Variants in VTI1B observed in about 807,000 individuals in gnomAD.
VTI1B encodes vesicle transport through interaction with t-SNAREs 1B, also known as vesicle transport through interaction with t-SNAREs homolog 1B.
VTI1B carries 18 observed loss-of-function variants against 28.6 expected under a neutral mutation model. That is an observed-to-expected ratio of 0.63 (90% CI 0.43 to 0.93). The LOEUF is 0.93. Among genes scored for constraint, VTI1B ranks in the 40% least tolerant of loss-of-function variants. VTI1B has a pLI of 0.00. For missense variants in VTI1B, 283 were observed against 297.0 expected (o/e 0.95, Z 0.35); for synonymous variants, 100 against 107.9 (o/e 0.93, Z 0.46).
At position 67,673,871 on chromosome 14, in the gene VTI1B, C is replaced by G. The variant is rs1223588071; in HGVS notation, c.115+504G>C. 2.0e-5 allele frequency among the ~76,000 whole-genome samples: 3 copies of G among 152,282 alleles called. No homozygotes were observed. In the East Asian group the frequency reaches 5.8e-4, roughly 29 times the overall value. On this transcript the variant is annotated intron_variant, in intron 1 of 5. Coordinates refer to ENST00000554659, the MANE Select transcript of VTI1B (RefSeq NM_006370.3). ...TGTAAAAACGTTCAAAACAAGACCA[C>G]ATCTAAATGCCACAATCAGGTTTTA... is the stretch of plus-strand genomic sequence containing the variant.
chr14:67,649,898 T>G lies in VTI1B; in HGVS notation c.*1487A>C, dbSNP rs1393665427. 1.3e-5 allele frequency: 2 copies of G among 152,190 alleles called. No individual in the cohort carries two copies. The highest frequency in any genetic ancestry group is 2.9e-5 in the Non-Finnish European group (2 of 68,042). The allele number at this position is 152,190 out of a possible 1,614,324, so 9.4% of individuals were successfully genotyped here. On this transcript the variant is annotated 3_prime_UTR_variant, in exon 6 of 6. Transcript: ENST00000554659. ...TAACCAACTAAAAAGTTAAATTCTA[T>G]AGAGAAGTGAGGCATTTAGAGGGGT...
Position 67,666,028 on chromosome 14 carries a change from G to C in VTI1B, c.116-3493C>G, listed in dbSNP as rs373393618. ...CAAAAACGGCTACTTCCATGGAGCAGTATTGTATTATTTTGTAATAAGCTG... is the reference window on the plus strand; with the variant it reads ...CAAAAACGGCTACTTCCATGGAGCACTATTGTATTATTTTGTAATAAGCTG... On this transcript the variant is annotated intron_variant, in intron 1 of 5. Coordinates refer to ENST00000554659, the MANE Select transcript of VTI1B (RefSeq NM_006370.3). 3.9e-5 allele frequency among the ~76,000 whole-genome samples: 6 copies of C among 152,336 alleles called. No homozygotes were observed. In the East Asian group the frequency reaches 5.8e-4, roughly 15 times the overall value.
intron 1 of VTI1B, among the ~76,000 whole-genome samples, chr14:67,664,043 C>A (rs923935609): frequency 3.9e-5 from 6 of 152,188 alleles, no homozygotes; most frequent in Non-Finnish European, 8.8e-5. Context: ...TGGAAATCTA[C>A]ACATAATCTA....
intron 1 of VTI1B, among the ~76,000 whole-genome samples, chr14:67,662,764 CGTG>C (rs1280748483): frequency 6.6e-6 from 1 of 151,882 alleles, no homozygotes; most frequent in African/African-American, 2.4e-5. Flanking sequence ...ATTAGCCGGG[CGTG>C]GTGGCAGGCA....
rs1218458758 is a variant in VTI1B at position 67,647,453 on chromosome 14, G to A, written c.*3932C>T. ...TCCCAATACCAAGTCTTTACTTCTG[G>A]GTGATTAATGTCAGAATTGTTATCT... On this transcript the variant is annotated 3_prime_UTR_variant, in exon 6 of 6. Transcript: ENST00000554659. The A allele has an allele frequency of 2.5e-5, 4 of 159,202 alleles. No homozygotes were observed. Among genetic ancestry groups the A allele is most frequent in the South Asian group, 1.9e-4 (1 of 5,146 alleles). 9.9% of individuals were successfully genotyped at this position (159,202 alleles called of 1,614,324 possible). A position where few individuals can be genotyped will look rare whatever the true frequency, so the allele number is the denominator to read the frequency against.
In VTI1B at chr14:67,670,814, C is replaced by T. The variant is rs989293571; in HGVS notation, c.115+3561G>A. Among the ~76,000 whole-genome samples the T allele has an allele frequency of 8.5e-5, 13 of 152,314 alleles. No homozygotes were observed. The East Asian group carries it at 1.7e-3, about 20-fold the overall frequency. ...GTGATGGGACTACCAGCATGAGCCA[C>T]CGTGCCCGGCCGTTTGTTTCTTTTT... is the stretch of plus-strand genomic sequence containing the variant. On this transcript the variant is annotated intron_variant, in intron 1 of 5. Coordinates refer to ENST00000554659, the MANE Select transcript of VTI1B (RefSeq NM_006370.3).
intron 1 of VTI1B, among the ~76,000 whole-genome samples, chr14:67,667,680 C>CA (rs1309278553): frequency 6.6e-6 from 1 of 152,176 alleles, no homozygotes; most frequent in Non-Finnish European, 1.5e-5. Context: ...CGCGGTGGCT[C>CA]ACGCCTGTAA....
Position 67,648,014 on chromosome 14 carries a change from T to G in VTI1B, c.*3371A>C. 6.4e-7 allele frequency: 1 copy of G among 1,554,766 alleles called. No individual in the cohort carries two copies. Among genetic ancestry groups the G allele is most frequent in the Non-Finnish European group, 8.7e-7 (1 of 1,143,984 alleles). ...TCCAAGGACAACCAGTTAAGTATTA[T>G]TTTAAGTATTATTTTATCCTCTTCC... On this transcript the variant is annotated 3_prime_UTR_variant, in exon 6 of 6. Coordinates refer to ENST00000554659, the MANE Select transcript of VTI1B (RefSeq NM_006370.3).
rs192919782 is a variant in VTI1B, at chr14:67,669,183, T to C, written c.115+5192A>G. On this transcript the variant is annotated intron_variant, in intron 1 of 5. Coordinates refer to ENST00000554659, the MANE Select transcript of VTI1B (RefSeq NM_006370.3). The stretch of plus-strand genomic sequence containing the variant: ...CCAAGGTCACACTGCTACTAGAAGG[T>C]GAATTTAAACTCAGGCAATCTGGCT... Among the ~76,000 whole-genome samples the C allele has an allele frequency of 3.3e-5, 5 of 152,240 alleles. No individual in the cohort carries two copies. In the East Asian group the frequency reaches 9.6e-4, roughly 29 times the overall value.
At chr14:67,652,423 G>GT (rs1242260710) in intron 5 of VTI1B, 2 of 185,154 alleles carry the variant, frequency 1.1e-5, no homozygotes, top group African/African-American at 4.7e-5. Context: ...GGCATATGCT[G>GT]TTTCACTAAC....
chr14:67,661,529 C>CTTTTT (rs35440818), intron 2 of VTI1B, among the ~76,000 whole-genome samples: 3 of 110,074 alleles, frequency 2.7e-5, no homozygotes, highest in Non-Finnish European at 5.3e-5. Context: ...GAACAGTAAC[C>CTTTTT]TTTTTTTTTT....
In VTI1B at chr14:67,656,515, T is replaced by A. The variant is rs1322108819; in HGVS notation, c.441A>T (p.Glu147Asp). Residue 147 changes from glutamate (E) to aspartate (D), a missense_variant, in exon 4 of 6, where the codon GAA (glutamate) becomes GAT (aspartate). Coordinates refer to ENST00000554659, the MANE Select transcript of VTI1B (RefSeq NM_006370.3). ...ESLNRATQSI[E>D]RSHRIATETD... ...TCTCTGTGGCAATCCGATGAGAACG[T>A]TCAATACTTTGGGTGGCCCGGTTCA... 3 of 1,613,986 alleles carry A rather than the reference T, an allele frequency of 1.9e-6. No individual in the cohort carries two copies. Among genetic ancestry groups the A allele is most frequent in the South Asian group, 2.2e-5 (2 of 91,054 alleles).
At chr14:67,662,914 A>AG in intron 1 of VTI1B, 1 of 1,282,630 alleles carries the variant, frequency 7.8e-7, no homozygotes, top group South Asian at 2.4e-5. Flanking sequence ...AAAAAAAAAA[A>AG]AAAAAAAGAA....
chr14:67,653,594 G>A (rs2140801651), intron 4 of VTI1B, 96 bp from the exon 5 acceptor site: 1 of 1,109,892 alleles, frequency 9.0e-7, no homozygotes, highest in Non-Finnish European at 1.3e-6. Flanking sequence ...AGGGATATAT[G>A]TTGAAAAATT....
At chr14:67,671,131 G>A (rs1272122735) in intron 1 of VTI1B, among the ~76,000 whole-genome samples, 2 of 152,214 alleles carry the variant, frequency 1.3e-5, no homozygotes, top group African/African-American at 2.4e-5. Flanking sequence ...GAATGAGGTA[G>A]TGAATAAGAG....
chr14:67,668,151 C>T (rs1488736643), intron 1 of VTI1B, among the ~76,000 whole-genome samples: 9 of 152,042 alleles, frequency 5.9e-5, no homozygotes, highest in Admixed American at 3.3e-4. Flanking sequence ...TTATGATACA[C>T]GTTAAGACAT....
chr14:67,671,933 G>A (rs2140036431), intron 1 of VTI1B, among the ~76,000 whole-genome samples: 1 of 152,196 alleles, frequency 6.6e-6, no homozygotes, highest in South Asian at 2.1e-4. Context: ...ATTTCTTATG[G>A]GTCCCACCTC....
intron 2 of VTI1B, among the ~76,000 whole-genome samples, chr14:67,662,000 C>CA (rs975778175): frequency 2.6e-5 from 4 of 151,856 alleles, no homozygotes; most frequent in Non-Finnish European, 5.9e-5. Flanking sequence ...ACTGAAAATA[C>CA]AAAAAAACAG....
intron 1 of VTI1B, among the ~76,000 whole-genome samples, chr14:67,668,946 T>C (rs771088685): frequency 2.0e-5 from 3 of 152,036 alleles, no homozygotes; most frequent in Non-Finnish European, 4.4e-5. Flanking sequence ...AGAAAATAAG[T>C]ACTCTGGAAA....
Sources: allele counts gnomAD v4.1 joint callset (sites outside exome capture counted in the v4.1 genomes callset), GRCh38; gene constraint gnomAD v4.1.1; transcripts MANE v1.5; gene names NCBI Gene and HGNC (gene_info 2026-07-23, HGNC 2026-07-21).